NIN: variants seen among roughly 807,000 people sequenced by gnomAD.
The protein encoded by NIN is glycogen synthase kinase 3 beta-interacting protein.
In NIN, 137 loss-of-function variants were observed where a neutral mutation model predicts 257.6. The observed-to-expected ratio is 0.53, with a 90% CI of 0.46 to 0.61. The LOEUF is 0.61. NIN is among the 20% of genes least tolerant of loss of function. The pLI is 0.00. For synonymous variants in NIN, 918 were observed against 919.8 expected (o/e 1.00, Z 0.04); for missense variants, 2,439 against 2,501.2 (o/e 0.98, Z 0.53).
chr14:50,720,139 C>A lies in NIN; in HGVS notation c.*3324G>T, dbSNP rs758707145. 9.0e-6 allele frequency: 2 copies of A among 221,976 alleles called. No individual in the cohort carries two copies. Among genetic ancestry groups the A allele is most frequent in the African/African-American group, 2.2e-5 (1 of 44,710 alleles). 13.8% of individuals were successfully genotyped at this position (221,976 alleles called of 1,614,324 possible). A position where few individuals can be genotyped will look rare whatever the true frequency, so the allele number is the denominator to read the frequency against. ...AAACTATTTTACAGTGCTGAGAGGT[C>A]CAGATAGGTCCAAACATGATGATTT... On this transcript the variant is annotated 3_prime_UTR_variant, in exon 31 of 31. Transcript: ENST00000530997.
chr14:50,729,458 G>C, intron 29 of NIN, 65 bp downstream of exon 29: 1 of 1,464,098 alleles, frequency 6.8e-7, no homozygotes, highest in South Asian at 1.3e-5. Context: ...CTTTGAACTG[G>C]TATAACTTTC....
chr14:50,789,730 G>A (rs1340732519), intron 5 of NIN, among the ~76,000 whole-genome samples: 1 of 152,146 alleles, frequency 6.6e-6, no homozygotes, highest in African/African-American at 2.4e-5. Context: ...CAAGATCACT[G>A]GGTCTCCTAA....
chr14:50,783,650 G>C (rs1463326669), intron 5 of NIN, among the ~76,000 whole-genome samples: 2 of 151,962 alleles, frequency 1.3e-5, no homozygotes, highest in Non-Finnish European at 2.9e-5. Context: ...TGCTATTTCA[G>C]GGGGGTGGGT....
intron 22 of NIN, 42 bp downstream of exon 22, chr14:50,747,950 C>A (rs370802655): frequency 1.5e-6 from 2 of 1,291,038 alleles, no homozygotes; most frequent in Admixed American, 3.4e-5. Flanking sequence ...CCACCAGGTA[C>A]ATATTGTTCT....
chr14:50,754,792 G>A lies in NIN; in HGVS notation c.4614C>T (p.Ser1538=), dbSNP rs2041950553. 3 of 1,582,652 alleles carry A rather than the reference G, an allele frequency of 1.9e-6. No homozygotes were observed. In the East Asian group the frequency reaches 6.7e-5, roughly 36 times the overall value. The stretch of plus-strand genomic sequence containing the variant: ...ATGTCCCTAATTTCAGGTTAGAAAT[G>A]CTATCTTCTTCATTTAAAGTAGTAA... ...NEITTLNEED[S]ISNLKLGTLN... Residue 1538 remains serine (S), a synonymous_variant, in exon 19 of 31, where the codon AGC becomes AGT. Coordinates refer to ENST00000530997, the MANE Select transcript of NIN (RefSeq NM_020921.4).
intron 18 of NIN, among the ~76,000 whole-genome samples, chr14:50,755,089 A>G (rs2041962395): frequency 6.6e-6 from 1 of 152,244 alleles, no homozygotes; most frequent in Non-Finnish European, 1.5e-5. Context: ...GTGTAGCTAA[A>G]AAACCCTTAA....
intron 5 of NIN, among the ~76,000 whole-genome samples, chr14:50,789,934 A>C (rs2043513958): frequency 6.6e-6 from 1 of 152,238 alleles, no homozygotes; most frequent in Non-Finnish European, 1.5e-5. Context: ...GCTGTACCAC[A>C]AGATTCCTGC....
intron 4 of NIN, among the ~76,000 whole-genome samples, chr14:50,803,268 G>T (rs1024583927): frequency 6.6e-6 from 1 of 152,158 alleles, no homozygotes; most frequent in African/African-American, 2.4e-5. Flanking sequence ...GCAGAGAATT[G>T]CTTGAACCTG....
At chr14:50,802,740 C>T (rs1205438002) in intron 4 of NIN, among the ~76,000 whole-genome samples, 2 of 152,188 alleles carry the variant, frequency 1.3e-5, no homozygotes, top group Non-Finnish European at 2.9e-5. Context: ...CTTTCACATA[C>T]AAGGTGACCA....
chr14:50,829,149 C>T (rs2045590448), intron 2 of NIN, among the ~76,000 whole-genome samples: 3 of 152,264 alleles, frequency 2.0e-5, no homozygotes, highest in South Asian at 4.1e-4. Context: ...AACAAATTCC[C>T]GGGCAGTTCA....
intron 10 of NIN, 106 bp downstream of exon 10, chr14:50,771,226 G>C: frequency 1.5e-6 from 2 of 1,358,788 alleles, no homozygotes; most frequent in South Asian, 2.8e-5. Flanking sequence ...TAGAAGATGA[G>C]CAACATTTGC....
At chr14:50,733,242 A>C (rs1448347743) in intron 28 of NIN, among the ~76,000 whole-genome samples, 3 of 151,984 alleles carry the variant, frequency 2.0e-5, no homozygotes, top group Non-Finnish European at 4.4e-5. Flanking sequence ...ACAGGCGCAC[A>C]CAACCACGCC....
At chr14:50,738,693 C>T (rs1011614087) in intron 26 of NIN, among the ~76,000 whole-genome samples, 1 of 152,166 alleles carries the variant, frequency 6.6e-6, no homozygotes, top group Non-Finnish European at 1.5e-5. Flanking sequence ...AACAGTTCTA[C>T]GAAGACATGA....
Position 50,738,298 on chromosome 14 carries a change from A to C in NIN, c.5629-12T>G, listed in dbSNP as rs1290023329. On this transcript the variant is annotated splice_polypyrimidine_tract_variant and intron_variant, in intron 26 of 30. Transcript: ENST00000530997. The stretch of plus-strand genomic sequence containing the variant: ...TCCAACTGACGGACCTAACAGGAAC[A>C]AATGTAAGAGGAAAAAATGCTAATA... 16 of 1,608,946 alleles carry C rather than the reference A, an allele frequency of 9.9e-6. No homozygotes were observed. The highest frequency in any genetic ancestry group is 1.2e-5 in the Non-Finnish European group (14 of 1,178,276).
At chr14:50,822,128 A>C in intron 2 of NIN, 51 bp from the exon 3 acceptor site, 1 of 1,327,692 alleles carries the variant, frequency 7.5e-7, no homozygotes, top group South Asian at 1.3e-5. Context: ...CTCCAGTCCT[A>C]CCGTGGTCAC....
rs75944150 is a variant in NIN at position 50,775,053 on chromosome 14, C to T, written c.666+1896G>A. Reference sequence around the variant, plus strand: ...AAAGAGGCCCGGAAGATGATGTCAACGAATGAGGCAAGATGGGTTTAAGAC... The same window carrying T: ...AAAGAGGCCCGGAAGATGATGTCAATGAATGAGGCAAGATGGGTTTAAGAC... On this transcript the variant is annotated intron_variant, in intron 7 of 30. Transcript: ENST00000530997. Among the ~76,000 whole-genome samples, 410 of 152,256 alleles carry T rather than the reference C, an allele frequency of 2.7e-3. 2 individuals carry two copies. The highest frequency in any genetic ancestry group is 9.4e-3 in the African/African-American group (390 of 41,538).
Position 50,763,717 on chromosome 14 carries a change from T to C in NIN, c.1774+109A>G, listed in dbSNP as rs2042362628. The C allele has an allele frequency of 8.6e-6, 8 of 931,930 alleles. No homozygotes were observed. The South Asian group carries it at 1.2e-4, about 14-fold the overall frequency. The allele number at this position is 931,930 out of a possible 1,614,324, so 57.7% of individuals were successfully genotyped here. On this transcript the variant is annotated intron_variant, in intron 15 of 30. Transcript: ENST00000530997. ...AGAAAAGAGTATGGCCAAATTCTTT[T>C]TTTTTTTTTTCTTTTTTCAAGTTGC... is the stretch of plus-strand genomic sequence containing the variant.
In NIN at chr14:50,756,559, G is replaced by A. The variant is rs2042035625; in HGVS notation, c.4471C>T (p.Leu1491=). 6.2e-7 allele frequency: 1 copy of A among 1,613,290 alleles called. No homozygotes were observed. Among genetic ancestry groups the A allele is most frequent in the Non-Finnish European group, 8.5e-7 (1 of 1,179,800 alleles). The part of the protein sequence containing the change: ...VLSHGEKEEE[L]KAMMHDLQIT... ...TGCAAGTCATGCATCATTGCCTTCA[G>A]CTCTTCCTCCTTTTCTCCGTGAGAA... The change falls in exon 18 of 31, where the codon CTG becomes TTG. Residue 1491 remains leucine, a synonymous_variant. Coordinates refer to ENST00000530997, the MANE Select transcript of NIN (RefSeq NM_020921.4).
intron 3 of NIN, among the ~76,000 whole-genome samples, chr14:50,812,258 C>A (rs1283596513): frequency 6.6e-6 from 1 of 152,208 alleles, no homozygotes; most frequent in Non-Finnish European, 1.5e-5. Context: ...AAGGCAGAGA[C>A]CCTACCTCAA....
Sources: allele counts gnomAD v4.1 joint callset (sites outside exome capture counted in the v4.1 genomes callset), GRCh38; gene constraint gnomAD v4.1.1; transcripts MANE v1.5; gene names NCBI Gene and HGNC (gene_info 2026-07-23, HGNC 2026-07-21).